Variants in NUGGC observed in about 807,000 individuals in gnomAD.
NUGGC encodes the protein nuclear GTPase, germinal center associated.
In NUGGC, 58 loss-of-function variants were observed where a neutral mutation model predicts 92.6. The ratio of observed to expected loss-of-function variants is 0.63; its 90% CI spans 0.51 to 0.78. The LOEUF (loss-of-function observed/expected upper bound fraction) is 0.78. Among genes scored for constraint, NUGGC ranks in the 30% least tolerant of loss-of-function variants. NUGGC has a pLI of 0.00. For synonymous variants in NUGGC, 376 were observed against 366.4 expected, an observed-to-expected ratio of 1.03 and a Z score of -0.30; for missense variants, 925 against 964.6, an observed-to-expected ratio of 0.96 and a Z score of 0.54.
rs372870396 is a variant in NUGGC, at chr8:28,060,634, A to G, written c.922-33T>C. The G allele has an allele frequency of 2.9e-5, 46 of 1,588,294 alleles. No individual in the cohort carries two copies. The African/African-American group carries it at 5.7e-4, about 20-fold the overall frequency. On this transcript the variant is annotated intron_variant, in intron 7 of 18. Coordinates refer to ENST00000413272, the MANE Select transcript of NUGGC (RefSeq NM_001010906.2). ...ACATGACCACGGCATGTGTCAGCAC[A>G]GGAATGGAGTCACAGTTCCTGAGGA...
chr8:28,046,187 C>G (rs1809828969), intron 11 of NUGGC, among the ~76,000 whole-genome samples: 2 of 152,128 alleles, frequency 1.3e-5, no homozygotes, highest in Admixed American at 1.3e-4. Flanking sequence ...TACCCTTTTC[C>G]CCATTATTCC....
At chr8:28,044,456 CG>C (rs1168693187) in intron 12 of NUGGC, among the ~76,000 whole-genome samples, 1 of 152,086 alleles carries the variant, frequency 6.6e-6, no homozygotes, top group African/African-American at 2.4e-5. Context: ...GGAAAGGCTT[CG>C]GGGTGCCCTG....
rs201786793 is a variant in NUGGC at position 28,067,716 on chromosome 8, G to A, written c.509C>T (p.Thr170Ile). ...CTCCTCCGTCCTATGCAGGAGTTTGGTCAGGTTCTTCAGCTCCTCCCTCCA... is the reference window on the plus strand; with the variant it reads ...CTCCTCCGTCCTATGCAGGAGTTTGATCAGGTTCTTCAGCTCCTCCCTCCA... Reference protein sequence around the residue: ...QEWREELKNLTKLLHRTEELS... With the variant: ...QEWREELKNLIKLLHRTEELS... The change falls in exon 6 of 19, where the codon ACC (threonine) becomes ATC (isoleucine). Residue 170 changes from threonine to isoleucine, a missense_variant. By Grantham distance (89) the Thr-to-Ile change is moderately conservative. Coordinates refer to ENST00000413272, the MANE Select transcript of NUGGC (RefSeq NM_001010906.2). 2.5e-6 allele frequency: 4 copies of A among 1,613,806 alleles called. No homozygotes were observed. The highest frequency in any genetic ancestry group is 3.4e-6 in the Non-Finnish European group (4 of 1,179,788).
chr8:28,023,594 A>T, intron 18 of NUGGC, 132 bp from the exon 19 acceptor site: 2 of 890,010 alleles, frequency 2.2e-6, no homozygotes, highest in East Asian at 2.6e-5. Flanking sequence ...CAGATCAGAC[A>T]TCAAAGCAGG....
intron 10 of NUGGC, among the ~76,000 whole-genome samples, chr8:28,051,866 G>A (rs1336870447): frequency 6.6e-6 from 1 of 152,082 alleles, no homozygotes; most frequent in East Asian, 1.9e-4. Flanking sequence ...AGGTTGCGGT[G>A]AGCCAAGATA....
intron 1 of NUGGC, among the ~76,000 whole-genome samples, chr8:28,080,420 A>C (rs1810822625): frequency 1.3e-5 from 2 of 152,322 alleles, no homozygotes; most frequent in African/African-American, 4.8e-5. Flanking sequence ...CTTAGGCAGA[A>C]TCTCATTTCA....
At chr8:28,027,319 T>C (rs1277568410) in intron 17 of NUGGC, among the ~76,000 whole-genome samples, 4 of 152,156 alleles carry the variant, frequency 2.6e-5, no homozygotes, top group South Asian at 2.1e-4. Context: ...GCAGCTCTGG[T>C]GCCAGCTGAT....
chr8:28,041,855 A>T (rs1809708031), intron 12 of NUGGC, among the ~76,000 whole-genome samples: 1 of 152,168 alleles, frequency 6.6e-6, no homozygotes, highest in Non-Finnish European at 1.5e-5. Context: ...TAATACAAGG[A>T]AGTGACCACC....
rs566262587 is a variant in NUGGC at position 28,023,936 on chromosome 8, G to A, written c.2246-474C>T. Among the ~76,000 whole-genome samples the A allele has an allele frequency of 2.6e-5, 4 of 152,296 alleles. No homozygotes were observed. In the East Asian group the frequency reaches 7.7e-4, roughly 29 times the overall value. ...TATGTGTCAACTTGTTTAGGTCACAGGGCCCAGAAACCGGATTAAACGTGA... is the reference window on the plus strand; with the variant it reads ...TATGTGTCAACTTGTTTAGGTCACAAGGCCCAGAAACCGGATTAAACGTGA... On this transcript the variant is annotated intron_variant, in intron 18 of 18. Transcript: ENST00000413272.
chr8:28,053,962 G>A (rs569169027), intron 10 of NUGGC, among the ~76,000 whole-genome samples: 2 of 152,232 alleles, frequency 1.3e-5, no homozygotes, highest in South Asian at 2.1e-4. Flanking sequence ...TCAATTCCAC[G>A]TTGCACAACA....
At chr8:28,066,144 T>C (rs1810436537) in intron 6 of NUGGC, among the ~76,000 whole-genome samples, 1 of 152,258 alleles carries the variant, frequency 6.6e-6, no homozygotes, top group African/African-American at 2.4e-5. Flanking sequence ...AAGACGTTGA[T>C]ACCCTTGTGT....
intron 10 of NUGGC, among the ~76,000 whole-genome samples, chr8:28,054,536 C>G (rs1042988380): frequency 6.6e-5 from 10 of 152,072 alleles, no homozygotes; most frequent in Non-Finnish European, 1.5e-4. Flanking sequence ...TATGTTTGTA[C>G]CTACTTTAGT....
chr8:28,030,418 T>C lies in NUGGC; in HGVS notation c.1909A>G (p.Ile637Val), dbSNP rs772750037. 3.9e-5 allele frequency: 60 copies of C among 1,542,044 alleles called. No individual in the cohort carries two copies. The highest frequency in any genetic ancestry group is 5.2e-5 in the Non-Finnish European group (59 of 1,132,232). The stretch of plus-strand genomic sequence containing the variant: ...TCCAGGCCCCCGAGGATGGCACTTA[T>C]CTGGGAAGATGTGGCAAAAGAGGCC... ...SCKKNFLIQEISAILGGLEDH... is the reference protein window; with the variant it reads ...SCKKNFLIQEVSAILGGLEDH... The change falls in exon 16 of 19, where the codon ATA becomes GTA. Residue 637 changes from isoleucine (I) to valine (V), a missense_variant and splice_region_variant. By Grantham distance (29) the Ile-to-Val change is conservative (BLOSUM62 3). Coordinates refer to ENST00000413272, the MANE Select transcript of NUGGC (RefSeq NM_001010906.2).
chr8:28,075,967 T>C (rs922558311), intron 1 of NUGGC, among the ~76,000 whole-genome samples: 2 of 152,184 alleles, frequency 1.3e-5, no homozygotes, highest in Admixed American at 1.3e-4. Flanking sequence ...GCCCTTCCCT[T>C]CTTCTCGCAG....
intron 1 of NUGGC, among the ~76,000 whole-genome samples, chr8:28,081,087 G>A (rs1162914559): frequency 1.3e-5 from 2 of 152,198 alleles, no homozygotes; most frequent in South Asian, 4.1e-4. Context: ...GGGAGGCCAA[G>A]GTGGGCCGAT....
intron 18 of NUGGC, 29 bp from the exon 19 acceptor site, chr8:28,023,491 G>C: frequency 6.3e-7 from 1 of 1,594,364 alleles, no homozygotes; most frequent in Non-Finnish European, 8.6e-7. Context: ...CTCACATCAG[G>C]ACTTGGTGTC....
intron 9 of NUGGC, among the ~76,000 whole-genome samples, chr8:28,057,058 T>C (rs1489075036): frequency 2.0e-5 from 3 of 152,182 alleles, no homozygotes; most frequent in African/African-American, 7.2e-5. Flanking sequence ...TTTCAGCCTG[T>C]TTAGAGCAAT....
intron 9 of NUGGC, among the ~76,000 whole-genome samples, chr8:28,056,389 A>C (rs1220105543): frequency 6.6e-6 from 1 of 151,654 alleles, no homozygotes; most frequent in Non-Finnish European, 1.5e-5. Flanking sequence ...GAGGCAGGAG[A>C]ATTGCTTGAA....
At chr8:28,056,193 C>G (rs1243243898) in intron 9 of NUGGC, 139 bp from the exon 10 acceptor site, 2 of 555,738 alleles carry the variant, frequency 3.6e-6, no homozygotes, top group Non-Finnish European at 6.3e-6. Flanking sequence ...GAATTATACA[C>G]AGTTGCCGGG....
Sources: allele counts gnomAD v4.1 joint callset (sites outside exome capture counted in the v4.1 genomes callset), GRCh38; gene constraint gnomAD v4.1.1; transcripts MANE v1.5; gene names NCBI Gene and HGNC (gene_info 2026-07-23, HGNC 2026-07-21).